OPHN1: variants seen among roughly 807,000 people sequenced by gnomAD.
OPHN1 encodes oligophrenin-1.
Under a neutral mutation model 60.7 loss-of-function variants are expected in OPHN1, and 11 were observed. The ratio of observed to expected loss-of-function variants is 0.18; its 90% confidence interval spans 0.11 to 0.30. OPHN1 has a LOEUF of 0.30. Among genes scored for constraint, OPHN1 ranks in the 10% least tolerant of loss-of-function variants. The probability of loss-of-function intolerance (pLI) is 1.00; values close to 1 mark genes in which losing one functional copy is unlikely to be tolerated. For missense variants in OPHN1, 449 were observed against 611.0 expected (o/e 0.73, Z 2.80); for synonymous variants, 226 against 222.6 (o/e 1.02, Z -0.14).
intron 15 of OPHN1, among the ~76,000 whole-genome samples, chrX:68,120,610 T>A (rs2077146654): frequency 8.9e-6 from 1 of 112,001 alleles, no homozygotes; most frequent in Admixed American, 9.5e-5. Flanking sequence ...AAAATTCCAA[T>A]GTCATTTTTC....
At chrX:68,195,319 G>T (rs1452281468) in intron 12 of OPHN1, among the ~76,000 whole-genome samples, 1 of 111,783 alleles carries the variant, frequency 8.9e-6, no homozygotes, top group Non-Finnish European at 1.9e-5. Context: ...CTTCTCTGTG[G>T]AAAGGCAAAT....
At chrX:68,089,109 C>G (rs2077006610) in intron 19 of OPHN1, among the ~76,000 whole-genome samples, 1 of 111,340 alleles carries the variant, frequency 9.0e-6, no homozygotes, top group Non-Finnish European at 1.9e-5. Context: ...TTCCTATTGG[C>G]CTATCACCAG....
chrX:68,195,167 T>C (rs762101861), intron 12 of OPHN1, among the ~76,000 whole-genome samples: 12 of 111,645 alleles, frequency 1.1e-4, no homozygotes, highest in Admixed American at 2.9e-4. Flanking sequence ...TATTTACTTA[T>C]GTAACACCTG....
chrX:68,289,249 A>C (rs1416296671), intron 3 of OPHN1, among the ~76,000 whole-genome samples: 2 of 111,675 alleles, frequency 1.8e-5, no homozygotes, highest in African/African-American at 6.5e-5. Flanking sequence ...CAATCCAAGA[A>C]TTTTCTTTTT....
chrX:68,093,924 C>G (rs1450486586), intron 19 of OPHN1, among the ~76,000 whole-genome samples: 2 of 110,223 alleles, frequency 1.8e-5, no homozygotes, highest in East Asian at 5.7e-4. Context: ...TTGATGAAGT[C>G]AATTTATTGA....
In OPHN1 at chrX:68,341,800, G is replaced by A. The variant is rs371353151; in HGVS notation, c.155-42704C>T. On this transcript the variant is annotated intron_variant, in intron 2 of 24. Transcript: ENST00000355520. ...TGCAGTGAGTCATGATCGTGCCACT[G>A]CACTCCAGCCTGAGTGACACGGCCA... Among the ~76,000 whole-genome samples, 34 of 110,117 alleles carry A rather than the reference G, an allele frequency of 3.1e-4. 1 individual carries two copies. The highest frequency in any genetic ancestry group is 1.0e-3 in the African/African-American group (31 of 30,358).
At chrX:68,093,715 C>T (rs899604579) in intron 19 of OPHN1, among the ~76,000 whole-genome samples, 1 of 111,458 alleles carries the variant, frequency 9.0e-6, no homozygotes, top group Non-Finnish European at 1.9e-5. Context: ...TTAATTGCCA[C>T]GCATACGTCA....
chrX:68,384,548 C>T (rs1388316093), intron 2 of OPHN1, among the ~76,000 whole-genome samples: 1 of 111,215 alleles, frequency 9.0e-6, no homozygotes, highest in African/African-American at 3.3e-5. Context: ...GGTGAAACCC[C>T]ATCTCTACTG....
intron 19 of OPHN1, among the ~76,000 whole-genome samples, chrX:68,081,245 G>C (rs1290351895): frequency 9.0e-6 from 1 of 111,226 alleles, no homozygotes; most frequent in East Asian, 2.8e-4. Flanking sequence ...GGAAGAGAGA[G>C]TACAAAATAG....
intron 15 of OPHN1, among the ~76,000 whole-genome samples, chrX:68,147,337 G>T (rs754499295): frequency 8.9e-6 from 1 of 112,084 alleles, no homozygotes; most frequent in South Asian, 3.7e-4. Context: ...TATAAAAGCA[G>T]TTCCCAGTTT....
At chrX:68,153,210 CAAAA>C (rs11292214) in intron 15 of OPHN1, among the ~76,000 whole-genome samples, 1 of 55,423 alleles carries the variant, frequency 1.8e-5, no homozygotes, top group Non-Finnish European at 3.9e-5. Context: ...GACTCCATGT[CAAAA>C]AAAAAAAAAA....
At position 68,047,653 on chromosome X, in the gene OPHN1, T is replaced by C. The variant is rs932464917; in HGVS notation, c.*9-490A>G. ...GATACTTGGATCTCATTTATGTGTG[T>C]TATCAGGTCACATCATGCCAGCAAT... On this transcript the variant is annotated intron_variant, in intron 24 of 24. Transcript: ENST00000355520. Among the ~76,000 whole-genome samples the C allele has an allele frequency of 2.7e-5, 3 of 111,439 alleles. No homozygotes were observed. In the Admixed American group the frequency reaches 2.9e-4, roughly 11 times the overall value.
intron 3 of OPHN1, among the ~76,000 whole-genome samples, chrX:68,294,998 G>T (rs1037734339): frequency 1.8e-5 from 2 of 111,567 alleles, no homozygotes; most frequent in South Asian, 3.8e-4. Flanking sequence ...GATCCAAGGA[G>T]CACAGTTTGG....
intron 2 of OPHN1, among the ~76,000 whole-genome samples, chrX:68,360,024 C>T (rs992978137): frequency 1.8e-5 from 2 of 111,038 alleles, no homozygotes; most frequent in Non-Finnish European, 3.8e-5. Context: ...ATCCTAACAG[C>T]ACCAACCTTA....
chrX:68,149,500 C>T (rs1456638114), intron 15 of OPHN1, among the ~76,000 whole-genome samples: 1 of 111,402 alleles, frequency 9.0e-6, no homozygotes, highest in South Asian at 3.8e-4. Flanking sequence ...TGAACAAGAA[C>T]ATATCAGCAA....
intron 15 of OPHN1, among the ~76,000 whole-genome samples, chrX:68,187,532 C>T (rs766525861): frequency 4.6e-4 from 50 of 109,783 alleles, no homozygotes; most frequent in Non-Finnish European, 8.4e-4. Context: ...AGTAGCCTTG[C>T]TGACACCTTG....
chrX:68,081,981 C>G (rs778707096), intron 19 of OPHN1, among the ~76,000 whole-genome samples: 48 of 112,293 alleles, frequency 4.3e-4, no homozygotes, highest in Non-Finnish European at 1.5e-4. Flanking sequence ...TATTCTAAAT[C>G]CTTGGTTATC....
chrX:68,311,780 C>T (rs2078174772), intron 2 of OPHN1, among the ~76,000 whole-genome samples: 1 of 111,374 alleles, frequency 9.0e-6, no homozygotes, highest in Admixed American at 9.6e-5. Context: ...GATAGTTATA[C>T]TATAATAGAT....
At chrX:68,292,693 T>C (rs746767456) in intron 3 of OPHN1, among the ~76,000 whole-genome samples, 1 of 111,514 alleles carries the variant, frequency 9.0e-6, no homozygotes, top group South Asian at 3.8e-4. Flanking sequence ...CCCAGCCCAA[T>C]TATCACCTTC....
Sources: allele counts gnomAD v4.1 joint callset (sites outside exome capture counted in the v4.1 genomes callset), GRCh38; gene constraint gnomAD v4.1.1; transcripts MANE v1.5; gene names NCBI Gene and HGNC (gene_info 2026-07-23, HGNC 2026-07-21).